The following SLC9C2 variants were observed in gnomAD, a reference collection of about 807,000 sequenced individuals.
The protein encoded by SLC9C2 is solute carrier family 9 member C2 (putative).
Under a neutral mutation model 140.2 loss-of-function variants are expected in SLC9C2, and 75 were observed. The observed-to-expected ratio is 0.53, with a 90% confidence interval of 0.44 to 0.65. The LOEUF is 0.65. SLC9C2 is among the 30% of genes least tolerant of loss of function. The pLI is 0.00. For missense variants in SLC9C2, 1,074 were observed against 1,331.8 expected (o/e 0.81, Z 3.01); for synonymous variants, 375 against 420.9 (o/e 0.89, Z 1.34).
In SLC9C2 at chr1:173,582,070, C is replaced by T. The variant is rs901329176; in HGVS notation, c.641-62G>A. On this transcript the variant is annotated intron_variant, in intron 6 of 27. Transcript: ENST00000367714. ...TGAGCTATAACTTTTGTCTCTTTCA[C>T]TGATGGCATTTGGGTCTTTGCACTT... is the stretch of plus-strand genomic sequence containing the variant. 35 of 1,316,980 alleles carry T rather than the reference C, an allele frequency of 2.7e-5. 1 individual carries two copies. Among genetic ancestry groups the T allele is most frequent in the Non-Finnish European group, 3.0e-5 (30 of 994,710 alleles). The allele number at this position is 1,316,980 out of a possible 1,614,324, so 81.6% of individuals were successfully genotyped here.
intron 9 of SLC9C2, among the ~76,000 whole-genome samples, chr1:173,559,935 T>C (rs1260552485): frequency 6.6e-6 from 1 of 152,170 alleles, no homozygotes; most frequent in Non-Finnish European, 1.5e-5. Flanking sequence ...CCCCTTCCTG[T>C]TTGTCATAAC....
chr1:173,523,520 C>T (rs1285323924), intron 21 of SLC9C2, among the ~76,000 whole-genome samples: 1 of 152,188 alleles, frequency 6.6e-6, no homozygotes, highest in Non-Finnish European at 1.5e-5. Flanking sequence ...ATTCAAAGTC[C>T]TGTGGCAACC....
At position 173,535,926 on chromosome 1, in the gene SLC9C2, G is replaced by T; in HGVS notation, c.1679C>A (p.Ser560Ter). 6.7e-7 allele frequency: 1 copy of T among 1,502,616 alleles called. No homozygotes were observed. The highest frequency in any genetic ancestry group is 1.2e-5 in the South Asian group (1 of 82,682). The allele number at this position is 1,502,616 out of a possible 1,614,324, so 93.1% of individuals were successfully genotyped here. The change falls in exon 15 of 28, where the codon TCA (serine) becomes TAA (stop). Residue 560 changes from serine to a stop codon, truncating the protein, a stop_gained. Transcript: ENST00000367714. LOFTEE classifies it high-confidence loss of function. ...QGKFMSIYDV[S>*]TYMRTRSWLI... ...CCAACTTCTAGTTCTCATATAAGTTGAAACATCATAAATACTCATGAATCT... is the reference window on the plus strand; with the variant it reads ...CCAACTTCTAGTTCTCATATAAGTTTAAACATCATAAATACTCATGAATCT...
chr1:173,592,072 A>G (rs1185213120), intron 4 of SLC9C2, among the ~76,000 whole-genome samples: 1 of 152,146 alleles, frequency 6.6e-6, no homozygotes, highest in African/African-American at 2.4e-5. Flanking sequence ...TCCAATTTCA[A>G]CCTTCTGCAT....
chr1:173,502,044 C>G (rs917189322), intron 27 of SLC9C2, among the ~76,000 whole-genome samples: 3 of 151,950 alleles, frequency 2.0e-5, no homozygotes, highest in African/African-American at 7.3e-5. Flanking sequence ...GAGGCCAAGG[C>G]AGGCAGATCA....
At chr1:173,601,903 T>C in intron 1 of SLC9C2, 48 bp from the exon 2 acceptor site, 1 of 1,155,354 alleles carries the variant, frequency 8.7e-7, no homozygotes. Flanking sequence ...ATCCAATTCA[T>C]CCATACCATT....
intron 22 of SLC9C2, among the ~76,000 whole-genome samples, chr1:173,519,153 T>C (rs940551026): frequency 2.0e-5 from 3 of 151,926 alleles, no homozygotes; most frequent in Non-Finnish European, 2.9e-5. Flanking sequence ...CCCTCGCAAG[T>C]AGAAGGGAGT....
chr1:173,600,311 A>G, intron 2 of SLC9C2, 94 bp from the exon 3 acceptor site: 1 of 658,964 alleles, frequency 1.5e-6, no homozygotes, highest in Non-Finnish European at 2.4e-6. Flanking sequence ...GTAAGTCAAG[A>G]CCTTCTGTAT....
At chr1:173,588,357 T>C (rs1442684053) in intron 4 of SLC9C2, among the ~76,000 whole-genome samples, 1 of 152,210 alleles carries the variant, frequency 6.6e-6, no homozygotes, top group Non-Finnish European at 1.5e-5. Flanking sequence ...ACACATTGTT[T>C]ATGCCCAAGT....
At chr1:173,599,325 A>G (rs1299732712) in intron 3 of SLC9C2, among the ~76,000 whole-genome samples, 3 of 144,366 alleles carry the variant, frequency 2.1e-5, no homozygotes, top group Non-Finnish European at 3.0e-5. Context: ...CTCCAGAAGC[A>G]GATGATGAAC....
At chr1:173,591,648 A>C (rs1320001777) in intron 4 of SLC9C2, among the ~76,000 whole-genome samples, 1 of 152,018 alleles carries the variant, frequency 6.6e-6, no homozygotes, top group Non-Finnish European at 1.5e-5. Context: ...TTTTTTTCAT[A>C]TGCTCGTTGG....
In SLC9C2 at chr1:173,510,998, T is replaced by A. The variant is rs372714263; in HGVS notation, c.2908-1299A>T. On this transcript the variant is annotated intron_variant, in intron 23 of 27. Coordinates refer to ENST00000367714, the MANE Select transcript of SLC9C2 (RefSeq NM_178527.4). ...TTCTCCACAGCCTCACAAGCATCTA[T>A]TGTTTCCTGGATTTTTTTTCCTTTC... Among the ~76,000 whole-genome samples the A allele has an allele frequency of 5.9e-5, 9 of 151,718 alleles. No homozygotes were observed. In the East Asian group the frequency reaches 7.7e-4, roughly 13 times the overall value.
chr1:173,596,950 T>C (rs1398695642), intron 4 of SLC9C2, among the ~76,000 whole-genome samples: 1 of 151,952 alleles, frequency 6.6e-6, no homozygotes, highest in Non-Finnish European at 1.5e-5. Flanking sequence ...CTGACATAAT[T>C]GCAAGGAGAA....
chr1:173,577,916 G>A (rs1665283135), intron 7 of SLC9C2, among the ~76,000 whole-genome samples: 1 of 152,016 alleles, frequency 6.6e-6, no homozygotes, highest in Admixed American at 6.5e-5. Flanking sequence ...AATAACCAAT[G>A]ACAATAAAAC....
chr1:173,533,071 G>A (rs920214837), intron 17 of SLC9C2, among the ~76,000 whole-genome samples: 1 of 152,020 alleles, frequency 6.6e-6, no homozygotes, highest in African/African-American at 2.4e-5. Context: ...AGGCTGGTCA[G>A]GAGAGGCCTC....
chr1:173,589,397 A>C (rs1666033095), intron 4 of SLC9C2, among the ~76,000 whole-genome samples: 1 of 152,030 alleles, frequency 6.6e-6, no homozygotes, highest in Non-Finnish European at 1.5e-5. Context: ...GCCTTTACTA[A>C]AAATAAGAAA....
intron 13 of SLC9C2, among the ~76,000 whole-genome samples, chr1:173,542,562 A>G (rs1571514492): frequency 6.6e-6 from 1 of 152,176 alleles, no homozygotes; most frequent in South Asian, 2.1e-4. Flanking sequence ...ACAAAAAAAG[A>G]GAATTTTAGA....
rs1659198566 is a variant in SLC9C2, at chr1:173,500,541, T to C, written c.*553A>G. On this transcript the variant is annotated 3_prime_UTR_variant, in exon 28 of 28. Coordinates refer to ENST00000367714, the MANE Select transcript of SLC9C2 (RefSeq NM_178527.4). ...TGACATCAAACAGTACTATGCAATA[T>C]GAGAATATTAATTTCTCCTAAATTT... 2 of 152,248 alleles carry C rather than the reference T, an allele frequency of 1.3e-5. No individual in the cohort carries two copies. Among genetic ancestry groups the C allele is most frequent in the South Asian group, 2.1e-4 (1 of 4,836 alleles). The allele number at this position is 152,248 out of a possible 1,614,324, so 9.4% of individuals were successfully genotyped here.
At chr1:173,546,776 A>G (rs901306234) in intron 13 of SLC9C2, among the ~76,000 whole-genome samples, 1 of 152,170 alleles carries the variant, frequency 6.6e-6, no homozygotes, top group African/African-American at 2.4e-5. Context: ...AGACAATTGG[A>G]AATCTTACCA....
Sources: allele counts gnomAD v4.1 joint callset (sites outside exome capture counted in the v4.1 genomes callset), GRCh38; gene constraint gnomAD v4.1.1; transcripts MANE v1.5; gene names NCBI Gene and HGNC (gene_info 2026-07-23, HGNC 2026-07-21).